Variants in HS6ST3 observed in about 807,000 individuals in gnomAD.
HS6ST3 encodes the protein heparan-sulfate 6-O-sulfotransferase 3.
Under a neutral mutation model 36.7 loss-of-function variants are expected in HS6ST3, and 12 were observed. The ratio of observed to expected loss-of-function variants is 0.33; its 90% CI spans 0.21 to 0.53. HS6ST3 has a LOEUF of 0.53. HS6ST3 is among the 20% of genes least tolerant of loss of function. The pLI is 0.95. For synonymous variants in HS6ST3, 240 were observed against 257.5 expected, an observed-to-expected ratio of 0.93 and a Z score of 0.65; for missense variants, 584 against 640.9, an observed-to-expected ratio of 0.91 and a Z score of 0.96.
intron 1 of HS6ST3, among the ~76,000 whole-genome samples, chr13:96,553,604 C>T (rs1447652512): frequency 1.3e-5 from 2 of 152,064 alleles, no homozygotes; most frequent in African/African-American, 4.8e-5. Flanking sequence ...ATTCTCTTGG[C>T]GTTTAGGACA....
chr13:96,311,533 C>T (rs1255157081), intron 1 of HS6ST3, among the ~76,000 whole-genome samples: 11 of 152,100 alleles, frequency 7.2e-5, no homozygotes, highest in Admixed American at 6.5e-4. Flanking sequence ...CCAGAGTAGT[C>T]GTCATGAAAC....
chr13:96,506,234 A>G (rs572633771), intron 1 of HS6ST3, among the ~76,000 whole-genome samples: 68 of 152,270 alleles, frequency 4.5e-4, no homozygotes, highest in Non-Finnish European at 6.9e-4. Context: ...TTTTCTTCCA[A>G]AAACTCTCAC....
chr13:96,424,370 A>G (rs778263297), intron 1 of HS6ST3, among the ~76,000 whole-genome samples: 7 of 152,366 alleles, frequency 4.6e-5, no homozygotes, highest in Admixed American at 3.3e-4. Context: ...GTCATTTGCT[A>G]GTATTTCATT....
At chr13:96,808,004 A>T (rs997919143) in intron 1 of HS6ST3, among the ~76,000 whole-genome samples, 1 of 152,216 alleles carries the variant, frequency 6.6e-6, no homozygotes, top group African/African-American at 2.4e-5. Context: ...TTCCAAAAAG[A>T]ATTTCTTGTC....
chr13:96,494,827 C>A (rs1389874944), intron 1 of HS6ST3, among the ~76,000 whole-genome samples: 1 of 152,162 alleles, frequency 6.6e-6, no homozygotes, highest in African/African-American at 2.4e-5. Flanking sequence ...GTTCCTGGTC[C>A]TACTTATCTG....
chr13:96,145,377 T>C (rs1026530396), intron 1 of HS6ST3, among the ~76,000 whole-genome samples: 2 of 151,042 alleles, frequency 1.3e-5, no homozygotes, highest in Non-Finnish European at 3.0e-5. Flanking sequence ...CTCATTGTGG[T>C]TTTGATTTGC....
chr13:96,260,009 C>T (rs950215216), intron 1 of HS6ST3, among the ~76,000 whole-genome samples: 1 of 151,466 alleles, frequency 6.6e-6, no homozygotes, highest in Non-Finnish European at 1.5e-5. Context: ...ATATTGTTTC[C>T]TTCTGAATTC....
At chr13:96,642,229 T>C (rs1270968864) in intron 1 of HS6ST3, among the ~76,000 whole-genome samples, 1 of 151,926 alleles carries the variant, frequency 6.6e-6, no homozygotes, top group Non-Finnish European at 1.5e-5. Flanking sequence ...TCATAATTTA[T>C]TATGAGAAAT....
intron 1 of HS6ST3, among the ~76,000 whole-genome samples, chr13:96,800,116 ATTG>A (rs1200539506): frequency 6.7e-6 from 1 of 149,510 alleles, no homozygotes; most frequent in Non-Finnish European, 1.5e-5. Flanking sequence ...CATTATTATT[ATTG>A]TTGTTGTTCT....
chr13:96,410,208 T>C (rs1292333078), intron 1 of HS6ST3, among the ~76,000 whole-genome samples: 1 of 152,134 alleles, frequency 6.6e-6, no homozygotes, highest in African/African-American at 2.4e-5. Context: ...GCAAACTCTG[T>C]AGAACACTTA....
chr13:96,257,210 G>A (rs1454311200), intron 1 of HS6ST3, among the ~76,000 whole-genome samples: 1 of 152,098 alleles, frequency 6.6e-6, no homozygotes, highest in African/African-American at 2.4e-5. Context: ...AGAGACTAGA[G>A]GATTTTCCTT....
At chr13:96,472,392 G>A (rs1365445807) in intron 1 of HS6ST3, among the ~76,000 whole-genome samples, 1 of 152,126 alleles carries the variant, frequency 6.6e-6, no homozygotes, top group East Asian at 1.9e-4. Flanking sequence ...AATCTCTGTT[G>A]AGCATAGCAT....
intron 1 of HS6ST3, among the ~76,000 whole-genome samples, chr13:96,749,422 C>G (rs1352924505): frequency 2.0e-5 from 3 of 151,976 alleles, no homozygotes; most frequent in African/African-American, 4.8e-5. Context: ...TGTCAGTAAA[C>G]ATGTAGATTA....
chr13:96,830,934 T>C (rs1594870335), intron 1 of HS6ST3, among the ~76,000 whole-genome samples: 1 of 152,114 alleles, frequency 6.6e-6, no homozygotes, highest in Non-Finnish European at 1.5e-5. Context: ...GATGTGAGAG[T>C]TGGAAGACAG....
intron 1 of HS6ST3, among the ~76,000 whole-genome samples, chr13:96,724,974 A>T (rs1486176140): frequency 6.6e-6 from 1 of 152,208 alleles, no homozygotes; most frequent in Admixed American, 6.5e-5. Flanking sequence ...GTAACATTTT[A>T]TATTCCAACC....
At chr13:96,800,846 C>T (rs575461944) in intron 1 of HS6ST3, among the ~76,000 whole-genome samples, 9 of 152,202 alleles carry the variant, frequency 5.9e-5, no homozygotes, top group African/African-American at 2.2e-4. Context: ...AGTATATAGA[C>T]ATGTTTCATC....
chr13:96,115,497 T>C (rs2053889948), intron 1 of HS6ST3, among the ~76,000 whole-genome samples: 1 of 152,022 alleles, frequency 6.6e-6, no homozygotes, highest in African/African-American at 2.4e-5. Flanking sequence ...GAACATGCGG[T>C]GTTTGGTTTT....
chr13:96,437,418 A>C (rs533836237), intron 1 of HS6ST3, among the ~76,000 whole-genome samples: 50 of 152,262 alleles, frequency 3.3e-4, no homozygotes, highest in African/African-American at 1.2e-3. Context: ...TGCTTTGAAG[A>C]TTTTACATTT....
intron 1 of HS6ST3, among the ~76,000 whole-genome samples, chr13:96,704,818 A>G (rs1381083069): frequency 6.6e-6 from 1 of 152,172 alleles, no homozygotes; most frequent in Non-Finnish European, 1.5e-5. Flanking sequence ...AGGTAACTTG[A>G]GGTTTCTATC....
Sources: gnomAD v4.1 joint callset for allele counts (sites outside exome capture counted in the v4.1 genomes callset) on GRCh38, gnomAD v4.1.1 for gene constraint, MANE v1.5 for transcripts, NCBI Gene and HGNC (gene_info 2026-07-23, HGNC 2026-07-21) for gene names.